The following ZNF439 variants were observed in gnomAD, a reference collection of about 807,000 sequenced individuals.
ZNF439 encodes zinc finger protein 439.
ZNF439 carries 40 observed loss-of-function variants against 47.3 expected under a neutral mutation model. The observed-to-expected ratio is 0.85, with a 90% CI of 0.66 to 1.10. The LOEUF is 1.10. Ranked by LOEUF, ZNF439 falls within the 50% of genes least tolerant of loss-of-function variation. ZNF439 has a pLI of 0.00. For synonymous variants in ZNF439, 171 were observed against 198.8 expected (o/e 0.86, Z 1.18); for missense variants, 556 against 601.1 (o/e 0.93, Z 0.78).
intron 1 of ZNF439, among the ~76,000 whole-genome samples, chr19:11,854,555 C>T (rs184700925): frequency 1.4e-4 from 21 of 152,178 alleles, no homozygotes; most frequent in Non-Finnish European, 2.4e-4. Flanking sequence ...GTCAGGAGTT[C>T]GAGACCAGCC....
chr19:11,868,549 C>T lies in ZNF439; in HGVS notation c.1495C>T (p.Leu499Phe), dbSNP rs1976781388. ...AAGGACACAAACACATAAGAATGCACTCTGGAGAAAGACCTTATAAATATA... is the reference window on the plus strand; with the variant it reads ...AAGGACACAAACACATAAGAATGCATTCTGGAGAAAGACCTTATAAATATA... ...HERTQTHKNA[L>F]WRKTL The change falls in exon 4 of 4, where the codon CTC (leucine) becomes TTC (phenylalanine). Residue 499 changes from leucine (L) to phenylalanine (F), a missense_variant. Physicochemically the swap from Leu to Phe is conservative, Grantham distance 22. Coordinates refer to ENST00000682736, the MANE Select transcript of ZNF439 (RefSeq NM_001348719.2). 3 of 1,609,610 alleles carry T rather than the reference C, an allele frequency of 1.9e-6. No individual in the cohort carries two copies. The highest frequency in any genetic ancestry group is 1.7e-4 in the Middle Eastern group (1 of 6,048).
chr19:11,859,834 T>G (rs1194534487), intron 1 of ZNF439, among the ~76,000 whole-genome samples: 2 of 152,180 alleles, frequency 1.3e-5, no homozygotes, highest in African/African-American at 4.8e-5. Context: ...CTCCTTCTCC[T>G]GTTTATTATT....
chr19:11,849,370 G>C (rs1279461373), intron 1 of ZNF439: 5 of 843,984 alleles, frequency 5.9e-6, no homozygotes, highest in East Asian at 1.2e-4. Flanking sequence ...AGAAACACCC[G>C]GTCCTGGCTT....
chr19:11,868,402 A>G lies in ZNF439; in HGVS notation c.1348A>G (p.Lys450Glu). 1 of 1,613,874 alleles carries G rather than the reference A, an allele frequency of 6.2e-7. No individual in the cohort carries two copies. The highest frequency in any genetic ancestry group is 8.5e-7 in the Non-Finnish European group (1 of 1,179,960). ...EKPYQCKECG[K>E]AFRSASQLRI... ...ACCGTATCAATGTAAGGAATGTGGG[A>G]AAGCTTTCAGATCTGCCTCACAACT... Residue 450 changes from lysine (K) to glutamate (E), a missense_variant, in exon 4 of 4, where the codon AAA (lysine) becomes GAA (glutamate). Physicochemically the swap from Lys to Glu is moderately conservative, Grantham distance 56. Coordinates refer to ENST00000682736, the MANE Select transcript of ZNF439 (RefSeq NM_001348719.2).
chr19:11,869,071 G>GT lies in ZNF439; in HGVS notation c.*503dup, dbSNP rs1478250642. ...CATACGAGAGAGAATCCGTATGAATGTAAGGATTGTGGGAAAGCATTCAGC... is the reference window on the plus strand; with the variant it reads ...CATACGAGAGAGAATCCGTATGAATGTTAAGGATTGTGGGAAAGCATTCAGC... On this transcript the variant is annotated 3_prime_UTR_variant, in exon 4 of 4. Transcript: ENST00000682736. 4.1e-6 allele frequency: 1 copy of GT among 242,008 alleles called. No homozygotes were observed. The highest frequency in any genetic ancestry group is 8.7e-6 in the Non-Finnish European group (1 of 114,824). 15.0% of individuals were successfully genotyped at this position (242,008 alleles called of 1,614,324 possible).
intron 1 of ZNF439, chr19:11,865,954 G>T (rs1976667837): frequency 8.6e-7 from 1 of 1,169,330 alleles, no homozygotes; most frequent in Non-Finnish European, 1.1e-6. Flanking sequence ...TTGAACCCCG[G>T]CAGTGAGCCG....
chr19:11,858,375 A>T (rs539072422), intron 1 of ZNF439: 1 of 151,348 alleles, frequency 6.6e-6, no homozygotes, highest in African/African-American at 2.4e-5. Flanking sequence ...CTGAAACAGG[A>T]GAATGGCGTG....
At chr19:11,859,915 C>G (rs1377217736) in intron 1 of ZNF439, among the ~76,000 whole-genome samples, 2 of 152,110 alleles carry the variant, frequency 1.3e-5, no homozygotes, top group Admixed American at 6.5e-5. Flanking sequence ...TTCCAGCTGT[C>G]TAGCAGAATA....
intron 1 of ZNF439, among the ~76,000 whole-genome samples, chr19:11,865,490 A>AGATATCTG (rs1976648532): frequency 6.7e-6 from 1 of 149,368 alleles, no homozygotes; most frequent in African/African-American, 2.5e-5. Context: ...CCCAGGGGCT[A>AGATATCTG]CCCTTCCTGC....
intron 1 of ZNF439, among the ~76,000 whole-genome samples, chr19:11,854,340 C>T (rs1052791046): frequency 1.4e-4 from 22 of 152,154 alleles, no homozygotes; most frequent in Non-Finnish European, 3.1e-4. Flanking sequence ...TCTACGGGCA[C>T]GATGAGTAAG....
chr19:11,867,447 T>C lies in ZNF439; in HGVS notation c.393T>C (p.Cys131=). Residue 131 remains cysteine, a synonymous_variant, in exon 4 of 4, where the codon TGT becomes TGC. Coordinates refer to ENST00000682736, the MANE Select transcript of ZNF439 (RefSeq NM_001348719.2). ...TAAAATCATGTGACAGCTTTGTGTG[T>C]GAAGTTGGCCTAGGTAACTCATCTT... ...PEVKSCDSFV[C]EVGLGNSSSN... is the part of the protein sequence containing the mutation. The C allele has an allele frequency of 6.2e-7, 1 of 1,614,072 alleles. No individual in the cohort carries two copies. The highest frequency in any genetic ancestry group is 8.5e-7 in the Non-Finnish European group (1 of 1,179,984).
rs1186795267 is a variant in ZNF439, at chr19:11,867,351, T to C, written c.297T>C (p.His99=). The change falls in exon 4 of 4, where the codon CAT becomes CAC. Residue 99 remains histidine (H), a synonymous_variant. Coordinates refer to ENST00000682736, the MANE Select transcript of ZNF439 (RefSeq NM_001348719.2). The part of the protein sequence containing the change: ...EKVNEIKEDS[H]CGETFTPVPD... ...TCAATGAAATTAAAGAAGACAGTCATTGTGGAGAAACTTTTACCCCAGTTC... is the reference window on the plus strand; with the variant it reads ...TCAATGAAATTAAAGAAGACAGTCACTGTGGAGAAACTTTTACCCCAGTTC... 2 of 1,613,754 alleles carry C rather than the reference T, an allele frequency of 1.2e-6. No homozygotes were observed. The highest frequency in any genetic ancestry group is 8.5e-7 in the Non-Finnish European group (1 of 1,179,814).
At chr19:11,865,675 G>T (rs1976653044) in intron 1 of ZNF439, among the ~76,000 whole-genome samples, 1 of 133,784 alleles carries the variant, frequency 7.5e-6, no homozygotes, top group Non-Finnish European at 1.5e-5. Context: ...GAGACATTAG[G>T]GACAGCCCAA....
Position 11,869,302 on chromosome 19 carries a change from T to G in ZNF439, c.*733T>G, listed in dbSNP as rs1170215525. On this transcript the variant is annotated 3_prime_UTR_variant, in exon 4 of 4. Transcript: ENST00000682736. Reference sequence around the variant, plus strand: ...TTCAAATGCATGGAAGCACTCACACTTGGCAGAAACTCTATGAATGTAAGC... The same window carrying G: ...TTCAAATGCATGGAAGCACTCACACGTGGCAGAAACTCTATGAATGTAAGC... The G allele has an allele frequency of 5.5e-6, 1 of 182,058 alleles. No homozygotes were observed. The highest frequency in any genetic ancestry group is 1.7e-4 in the East Asian group (1 of 5,892). 11.3% of individuals were successfully genotyped at this position (182,058 alleles called of 1,614,324 possible).
chr19:11,863,152 C>CTTTT (rs34655587), intron 1 of ZNF439, among the ~76,000 whole-genome samples: 52 of 90,050 alleles, frequency 5.8e-4, no homozygotes, highest in Non-Finnish European at 7.2e-4. Flanking sequence ...AAAGATTTTG[C>CTTTT]TTTTTTTTTT....
Position 11,868,136 on chromosome 19 carries a change from G to T in ZNF439, c.1082G>T (p.Cys361Phe), listed in dbSNP as rs1406457538. 1 of 1,613,068 alleles carries T rather than the reference G, an allele frequency of 6.2e-7. No individual in the cohort carries two copies. The highest frequency in any genetic ancestry group is 1.3e-5 in the African/African-American group (1 of 74,686). ...RMHSGERPYE[C>F]KTCGKGFYSA... ...CACTCTGGAGAAAGACCTTATGAAT[G>T]TAAGACATGTGGGAAAGGCTTTTAT... Residue 361 changes from cysteine (C) to phenylalanine (F), a missense_variant, in exon 4 of 4, where the codon TGT (cysteine) becomes TTT (phenylalanine). Physicochemically the swap from Cys to Phe is radical, Grantham distance 205 (BLOSUM62 -2). Coordinates refer to ENST00000682736, the MANE Select transcript of ZNF439 (RefSeq NM_001348719.2).
At position 11,867,578 on chromosome 19, in the gene ZNF439, A is replaced by G; in HGVS notation, c.524A>G (p.His175Arg). Residue 175 changes from histidine to arginine, a missense_variant, in exon 4 of 4, where the codon CAC becomes CGC. Transcript: ENST00000682736. The part of the protein sequence containing the change: ...SQQPKKAFRY[H>R]PSLRTQERDH... ...CAACCTAAAAAAGCCTTCAGATATCACCCCTCCTTGAGAACACAAGAAAGG... is the reference window on the plus strand; with the variant it reads ...CAACCTAAAAAAGCCTTCAGATATCGCCCCTCCTTGAGAACACAAGAAAGG... 2 of 1,614,042 alleles carry G rather than the reference A, an allele frequency of 1.2e-6. No individual in the cohort carries two copies. The highest frequency in any genetic ancestry group is 1.1e-5 in the South Asian group (1 of 91,074).
intron 1 of ZNF439, among the ~76,000 whole-genome samples, chr19:11,851,567 ACCTGCTTC>A (rs1415311700): frequency 6.6e-6 from 1 of 152,074 alleles, no homozygotes; most frequent in African/African-American, 2.4e-5. Context: ...TCCCCTAGGC[ACCTGCTTC>A]CCTAACACTT....
intron 1 of ZNF439, among the ~76,000 whole-genome samples, chr19:11,859,067 C>T (rs1021863243): frequency 1.1e-4 from 16 of 152,194 alleles, no homozygotes; most frequent in African/African-American, 3.6e-4. Context: ...CTTCTGTATA[C>T]TTCACAGGTG....
Sources: gnomAD v4.1 joint callset for allele counts (sites outside exome capture counted in the v4.1 genomes callset) on GRCh38, gnomAD v4.1.1 for gene constraint, MANE v1.5 for transcripts, NCBI Gene and HGNC (gene_info 2026-07-23, HGNC 2026-07-21) for gene names.